POLR1A: variants seen among roughly 807,000 people sequenced by gnomAD.
The protein encoded by POLR1A is RNA polymerase I subunit A, also known as DNA-directed RNA polymerase I subunit RPA1.
POLR1A carries 84 observed loss-of-function variants against 205.3 expected under a neutral mutation model. The ratio of observed to expected loss-of-function variants is 0.41; its 90% CI spans 0.34 to 0.49. The LOEUF is 0.49. POLR1A is among the 20% of genes least tolerant of loss of function. The probability of loss-of-function intolerance (pLI) is 0.22; values close to 1 mark genes in which losing one functional copy is unlikely to be tolerated. For synonymous variants in POLR1A, 799 were observed against 863.7 expected, an observed-to-expected ratio of 0.93 and a Z score of 1.31; for missense variants, 1,645 against 2,204.5, an observed-to-expected ratio of 0.75 and a Z score of 5.08.
intron 7 of POLR1A, among the ~76,000 whole-genome samples, chr2:86,082,029 T>C (rs1673412858): frequency 6.6e-6 from 1 of 151,492 alleles, no homozygotes; most frequent in Non-Finnish European, 1.5e-5. Flanking sequence ...AGAGATGAGG[T>C]TTTGCTTGGT....
rs1350688811 is a variant in POLR1A, at chr2:86,026,344, C to G, written c.*1079G>C. On this transcript the variant is annotated 3_prime_UTR_variant, in exon 34 of 34. Transcript: ENST00000263857. The stretch of plus-strand genomic sequence containing the variant: ...GGGAAAAAATTGTTGTAAAAAAAAC[C>G]AAGTTTTTTTTCTTTCCTAATAGCT... 6.6e-6 allele frequency: 1 copy of G among 152,156 alleles called. No homozygotes were observed. The highest frequency in any genetic ancestry group is 1.5e-5 in the Non-Finnish European group (1 of 68,022). 9.4% of individuals were successfully genotyped at this position (152,156 alleles called of 1,614,324 possible).
Position 86,104,752 on chromosome 2 carries a change from G to C in POLR1A, c.77+948C>G, listed in dbSNP as rs181519222. On this transcript the variant is annotated intron_variant, in intron 1 of 33. Coordinates refer to ENST00000263857, the MANE Select transcript of POLR1A (RefSeq NM_015425.6). ...GTGAGCCACCGTGCCCGGCCATGTT[G>C]AGTTTCTGATATGCATTTAGGCCAT... Among the ~76,000 whole-genome samples the C allele has an allele frequency of 3.5e-3, 538 of 152,308 alleles. 5 individuals carry two copies. The highest frequency in any genetic ancestry group is 6.8e-3 in the Middle Eastern group (2 of 294).
chr2:86,033,618 G>C, intron 28 of POLR1A, 43 bp downstream of exon 28: 1 of 1,601,790 alleles, frequency 6.2e-7, no homozygotes, highest in Non-Finnish European at 8.5e-7. Context: ...CAGTCTGGGG[G>C]CTGTCCCTGT....
chr2:86,049,486 C>T (rs1672763480), intron 16 of POLR1A, among the ~76,000 whole-genome samples: 1 of 152,186 alleles, frequency 6.6e-6, no homozygotes, highest in African/African-American at 2.4e-5. Flanking sequence ...GGGCTACTTT[C>T]CCATGGTCGT....
chr2:86,027,772 G>A (rs1672295708), intron 33 of POLR1A, 113 bp downstream of exon 33: 5 of 1,255,862 alleles, frequency 4.0e-6, no homozygotes, highest in Non-Finnish European at 5.7e-6. Context: ...GCTCCCCTCA[G>A]ATCCCAAGAT....
intron 1 of POLR1A, among the ~76,000 whole-genome samples, chr2:86,100,807 C>A (rs1442760746): frequency 1.3e-5 from 2 of 152,182 alleles, no homozygotes; most frequent in Non-Finnish European, 2.9e-5. Flanking sequence ...TCCCAAAGTG[C>A]TGGGATTACA....
chr2:86,081,784 T>A (rs964925896), intron 7 of POLR1A, 78 bp from the exon 8 acceptor site: 14 of 818,804 alleles, frequency 1.7e-5, no homozygotes, highest in Middle Eastern at 2.3e-4. Context: ...ATAAAAATAT[T>A]ACTGAGTGAG....
intron 12 of POLR1A, among the ~76,000 whole-genome samples, chr2:86,073,325 T>G (rs973691594): frequency 6.6e-6 from 1 of 152,180 alleles, no homozygotes; most frequent in Admixed American, 6.5e-5. Flanking sequence ...TATTTGTTTG[T>G]GTACTACCTG....
chr2:86,045,809 T>G (rs1450083753), intron 19 of POLR1A, 40 bp from the exon 20 acceptor site: 1 of 1,575,226 alleles, frequency 6.3e-7, no homozygotes, highest in African/African-American at 1.4e-5. Flanking sequence ...AAGATCCACA[T>G]GTGTGTTTAA....
rs760800438 is a variant in POLR1A, at chr2:86,100,121, C to A, written c.129G>T (p.Gly43=). Residue 43 remains glycine, a synonymous_variant, in exon 2 of 34, where the codon GGG becomes GGT. Coordinates refer to ENST00000263857, the MANE Select transcript of POLR1A (RefSeq NM_015425.6). ...ITNPRYLDSL[G]NPSANGLYDL... is the part of the protein sequence containing the mutation. ...CGTACAGGCCGTTTGCCGATGGGTT[C>A]CCCAGGCTGTCCAGGTATCGAGGGT... 11 of 1,613,982 alleles carry A rather than the reference C, an allele frequency of 6.8e-6. 1 individual carries two copies. In the South Asian group the frequency reaches 1.2e-4, roughly 18 times the overall value.
At chr2:86,030,107 G>T in intron 31 of POLR1A, 89 bp downstream of exon 31, 1 of 1,078,244 alleles carries the variant, frequency 9.3e-7, no homozygotes, top group South Asian at 1.3e-5. Context: ...AGTAAATCGC[G>T]TAGAGCGAGC....
chr2:86,046,498 A>G (rs1003178774), intron 19 of POLR1A, among the ~76,000 whole-genome samples: 7 of 152,176 alleles, frequency 4.6e-5, no homozygotes, highest in African/African-American at 1.4e-4. Context: ...CAAGGTCACC[A>G]AGGTTTAAGG....
intron 26 of POLR1A, 127 bp downstream of exon 26, chr2:86,039,200 C>A: frequency 9.7e-7 from 1 of 1,034,782 alleles, no homozygotes; most frequent in Non-Finnish European, 1.4e-6. Context: ...GCAGAGACAG[C>A]TTATCTCTCA....
At chr2:86,086,365 C>T (rs1251259829) in intron 6 of POLR1A, among the ~76,000 whole-genome samples, 2 of 152,218 alleles carry the variant, frequency 1.3e-5, no homozygotes, top group Non-Finnish European at 1.5e-5. Flanking sequence ...GGATTACAGG[C>T]GTGAGCCACC....
chr2:86,065,986 C>G (rs1673077230), intron 13 of POLR1A, among the ~76,000 whole-genome samples: 1 of 152,194 alleles, frequency 6.6e-6, no homozygotes, highest in Non-Finnish European at 1.5e-5. Context: ...AGACATGGTC[C>G]TTTATGATGA....
At chr2:86,038,341 G>A (rs1162313493) in intron 27 of POLR1A, among the ~76,000 whole-genome samples, 2 of 152,230 alleles carry the variant, frequency 1.3e-5, no homozygotes, top group African/African-American at 4.8e-5. Flanking sequence ...TTAACAGCAT[G>A]TGCTGCTCCG....
chr2:86,039,294 C>A (rs1353697536), intron 26 of POLR1A, 33 bp downstream of exon 26: 4 of 1,611,426 alleles, frequency 2.5e-6, no homozygotes, highest in African/African-American at 1.3e-5. Context: ...CATGCCTTCA[C>A]CCCGTCTGCA....
Position 86,105,778 on chromosome 2 carries a change from C to A in POLR1A, c.-2G>T. On this transcript the variant is annotated 5_prime_UTR_variant, in exon 1 of 34. In the 5' UTR this introduces an upstream ATG that the reference lacks. Coordinates refer to ENST00000263857, the MANE Select transcript of POLR1A (RefSeq NM_015425.6). Reference sequence around the variant, plus strand: ...GGGCATGTTCTTGGAGATCAACATCCTCCAGGTCCGTTTTGAATTCCGACA... The same window carrying A: ...GGGCATGTTCTTGGAGATCAACATCATCCAGGTCCGTTTTGAATTCCGACA... 1 of 1,613,676 alleles carries A rather than the reference C, an allele frequency of 6.2e-7. No individual in the cohort carries two copies. Among genetic ancestry groups the A allele is most frequent in the Non-Finnish European group, 8.5e-7 (1 of 1,179,524 alleles).
At chr2:86,050,929 T>C (rs1437197205) in intron 16 of POLR1A, among the ~76,000 whole-genome samples, 2 of 152,276 alleles carry the variant, frequency 1.3e-5, no homozygotes, top group African/African-American at 4.8e-5. Context: ...GGAATTAAGA[T>C]GGGGGAAGGT....
Sources: allele counts gnomAD v4.1 joint callset (sites outside exome capture counted in the v4.1 genomes callset), GRCh38; gene constraint gnomAD v4.1.1; transcripts MANE v1.5; gene names NCBI Gene and HGNC (gene_info 2026-07-23, HGNC 2026-07-21).